Variants in OXR1 observed in about 807,000 individuals in gnomAD.
The protein encoded by OXR1 is oxidation resistance 1.
A neutral mutation model predicts 104.6 loss-of-function variants in OXR1; 41 were observed. That is an observed-to-expected ratio of 0.39 (90% CI 0.31 to 0.51). The LOEUF is 0.51. OXR1 is among the 20% of genes least tolerant of loss of function. The pLI, the probability that OXR1 is intolerant of heterozygous loss-of-function variation, is 0.77. For synonymous variants in OXR1, 348 were observed against 348.4 expected (o/e 1.00, Z 0.01); for missense variants, 955 against 1,031.9 (o/e 0.93, Z 1.02).
chr8:106,628,330 A>G (rs1399196900), intron 3 of OXR1, among the ~76,000 whole-genome samples: 2 of 152,194 alleles, frequency 1.3e-5, no homozygotes, highest in African/African-American at 2.4e-5. Context: ...AAGACTGGGC[A>G]GGGAATTTAT....
In OXR1 at chr8:106,752,558, T is replaced by C. The variant is rs1374372491; in HGVS notation, c.*1617T>C. ...TTGTAAATAAATATATCAGTTTTTT[T>C]CCCCTTCGGTCTTCCACAGCAGTAT... On this transcript the variant is annotated 3_prime_UTR_variant, in exon 17 of 17. Coordinates refer to ENST00000517566, the MANE Select transcript of OXR1 (RefSeq NM_001198533.2). The C allele has an allele frequency of 6.6e-6, 1 of 152,508 alleles. No individual in the cohort carries two copies. The highest frequency in any genetic ancestry group is 2.1e-4 in the South Asian group (1 of 4,828). The allele number at this position is 152,508 out of a possible 1,614,324, so 9.4% of individuals were successfully genotyped here.
intron 3 of OXR1, among the ~76,000 whole-genome samples, chr8:106,582,883 C>A (rs1818357308): frequency 6.6e-6 from 1 of 152,116 alleles, no homozygotes; most frequent in Non-Finnish European, 1.5e-5. Context: ...CTCTTGGCAC[C>A]ACTTTTAGGA....
At position 106,625,149 on chromosome 8, in the gene OXR1, T is replaced by C. The variant is rs561739181; in HGVS notation, c.221-54061T>C. 2.0e-5 allele frequency among the ~76,000 whole-genome samples: 3 copies of C among 152,296 alleles called. No individual in the cohort carries two copies. In the South Asian group the frequency reaches 6.2e-4, roughly 32 times the overall value. On this transcript the variant is annotated intron_variant, in intron 3 of 16. Transcript: ENST00000517566. ...GAAATTATGATACCAAAAGGTTACA[T>C]GAATTCCATAAAAAGGTCAACTCCC...
chr8:106,630,512 T>C (rs1822583830), intron 3 of OXR1, among the ~76,000 whole-genome samples: 1 of 152,236 alleles, frequency 6.6e-6, no homozygotes, highest in Admixed American at 6.5e-5. Flanking sequence ...TTTTGTGTTT[T>C]ATTATTGTGT....
chr8:106,506,930 G>GAA (rs80220185), intron 2 of OXR1, among the ~76,000 whole-genome samples: 2 of 143,188 alleles, frequency 1.4e-5, no homozygotes, highest in Non-Finnish European at 3.1e-5. Context: ...GTGTCTTCCA[G>GAA]AAAAAAAAAA....
At chr8:106,518,833 G>A (rs1394050730) in intron 2 of OXR1, 110 bp from the exon 3 acceptor site, 3 of 680,122 alleles carry the variant, frequency 4.4e-6, no homozygotes, top group African/African-American at 3.6e-5. Context: ...AATAGATGTG[G>A]TTCTATCTCA....
chr8:106,340,503 A>G (rs1815197986), intron 1 of OXR1, among the ~76,000 whole-genome samples: 1 of 152,164 alleles, frequency 6.6e-6, no homozygotes, highest in Non-Finnish European at 1.5e-5. Context: ...TGATCACCAC[A>G]TCTAAAATAG....
intron 2 of OXR1, among the ~76,000 whole-genome samples, chr8:106,445,231 G>A (rs571057579): frequency 4.6e-5 from 7 of 152,238 alleles, no homozygotes; most frequent in South Asian, 4.2e-4. Flanking sequence ...CTAGTGATAC[G>A]TTTGCAGTCA....
chr8:106,624,822 C>G (rs554482843), intron 3 of OXR1, among the ~76,000 whole-genome samples: 1 of 152,226 alleles, frequency 6.6e-6, no homozygotes, highest in East Asian at 1.9e-4. Flanking sequence ...GACAGGATCT[C>G]ACTCTGTTGC....
At chr8:106,527,045 G>A (rs975767119) in intron 3 of OXR1, among the ~76,000 whole-genome samples, 1 of 152,162 alleles carries the variant, frequency 6.6e-6, no homozygotes, top group African/African-American at 2.4e-5. Context: ...TAAAGTCCAA[G>A]TTGGACCTTT....
chr8:106,373,178 C>T (rs1230223356), intron 2 of OXR1, among the ~76,000 whole-genome samples: 2 of 152,046 alleles, frequency 1.3e-5, no homozygotes, highest in African/African-American at 2.4e-5. Flanking sequence ...CATTTTATAC[C>T]TGGAACTTGA....
At chr8:106,546,381 C>T (rs753956923) in intron 3 of OXR1, among the ~76,000 whole-genome samples, 9 of 152,138 alleles carry the variant, frequency 5.9e-5, no homozygotes, top group Non-Finnish European at 1.2e-4. Context: ...TTGTTAAGTA[C>T]ATTTATAAAA....
At chr8:106,537,614 T>G (rs928328402) in intron 3 of OXR1, among the ~76,000 whole-genome samples, 3 of 152,084 alleles carry the variant, frequency 2.0e-5, no homozygotes, top group Non-Finnish European at 4.4e-5. Flanking sequence ...CAAACGAACA[T>G]GGCACATGTA....
At chr8:106,343,516 T>C (rs1179543892) in intron 1 of OXR1, among the ~76,000 whole-genome samples, 1 of 152,220 alleles carries the variant, frequency 6.6e-6, no homozygotes, top group Non-Finnish European at 1.5e-5. Context: ...TGCAGCTGTA[T>C]AATGTCTCAA....
intron 11 of OXR1, among the ~76,000 whole-genome samples, chr8:106,719,815 A>AT (rs1039274458): frequency 2.0e-5 from 3 of 151,134 alleles, no homozygotes; most frequent in Admixed American, 2.0e-4. Flanking sequence ...TATTTATTTT[A>AT]TTTTTTTTGA....
chr8:106,339,510 AAAAAAAAAAATATATATATATAT>A (rs1199543538), intron 1 of OXR1, among the ~76,000 whole-genome samples: 1 of 48,226 alleles, frequency 2.1e-5, no homozygotes, highest in African/African-American at 1.3e-4. Context: ...AAAAAAAAAA[AAAAAAAAAAATATATATATATAT>A]ATATATATAT....
chr8:106,395,683 G>A (rs955749972), intron 2 of OXR1, among the ~76,000 whole-genome samples: 3 of 152,082 alleles, frequency 2.0e-5, no homozygotes, highest in East Asian at 1.9e-4. Flanking sequence ...TGTATACATC[G>A]TTTAGTACAG....
chr8:106,658,062 G>C (rs1352888676), intron 3 of OXR1: 3 of 1,248,470 alleles, frequency 2.4e-6, no homozygotes, highest in Admixed American at 8.4e-5. Flanking sequence ...GTTGGGGTTC[G>C]GGGGCGGCGG....
chr8:106,603,729 T>C (rs1403501436), intron 3 of OXR1, among the ~76,000 whole-genome samples: 17 of 152,142 alleles, frequency 1.1e-4, no homozygotes, highest in Admixed American at 1.1e-3. Context: ...TAAGATGTCT[T>C]AGAAAGCAAG....
Sources: gnomAD v4.1 joint callset for allele counts (sites outside exome capture counted in the v4.1 genomes callset) on GRCh38, gnomAD v4.1.1 for gene constraint, MANE v1.5 for transcripts, NCBI Gene and HGNC (gene_info 2026-07-23, HGNC 2026-07-21) for gene names.